The following ANO2 variants were observed in gnomAD, a reference collection of about 807,000 sequenced individuals.
ANO2 encodes anoctamin-2.
ANO2 carries 101 observed loss-of-function variants against 124.2 expected under a neutral mutation model. That is an observed-to-expected ratio of 0.81 (90% confidence interval 0.69 to 0.96). The LOEUF is 0.96. Among genes scored for constraint, ANO2 ranks in the 40% least tolerant of loss-of-function variants. The pLI is 0.00. For synonymous variants in ANO2, 486 were observed against 482.5 expected (o/e 1.01, Z -0.09); for missense variants, 1,293 against 1,274.5 (o/e 1.01, Z -0.22).
intron 20 of ANO2, among the ~76,000 whole-genome samples, chr12:5,581,811 G>A (rs1942771700): frequency 6.6e-6 from 1 of 152,174 alleles, no homozygotes; most frequent in African/African-American, 2.4e-5. Context: ...GTTACTCCAT[G>A]GTATCCTGAG....
chr12:5,725,506 C>A (rs1293337203), intron 14 of ANO2, among the ~76,000 whole-genome samples: 1 of 152,138 alleles, frequency 6.6e-6, no homozygotes, highest in Admixed American at 6.5e-5. Context: ...TGTGCTGACC[C>A]CAAAAACTAT....
chr12:5,827,933 C>T, intron 6 of ANO2, 113 bp from the exon 7 acceptor site: 1 of 1,186,672 alleles, frequency 8.4e-7, no homozygotes, highest in East Asian at 2.6e-5. Flanking sequence ...TCATTTGGAG[C>T]CAGGACGAAG....
At chr12:5,592,306 A>G (rs1445079385) in intron 20 of ANO2, among the ~76,000 whole-genome samples, 1 of 152,176 alleles carries the variant, frequency 6.6e-6, no homozygotes, top group Non-Finnish European at 1.5e-5. Flanking sequence ...AAGCACTCAC[A>G]TGTTTGAAAG....
At chr12:5,652,230 T>C (rs1946947232) in intron 14 of ANO2, among the ~76,000 whole-genome samples, 1 of 152,208 alleles carries the variant, frequency 6.6e-6, no homozygotes, top group Non-Finnish European at 1.5e-5. Flanking sequence ...AGATATGGTA[T>C]TTCCTTCCTC....
chr12:5,793,396 C>T (rs889573150), intron 10 of ANO2, among the ~76,000 whole-genome samples: 2 of 152,206 alleles, frequency 1.3e-5, no homozygotes, highest in South Asian at 4.1e-4. Context: ...GGCCTCTAAG[C>T]TTCATTTGCC....
chr12:5,595,174 A>C (rs1943597140), intron 20 of ANO2, among the ~76,000 whole-genome samples: 1 of 152,102 alleles, frequency 6.6e-6, no homozygotes, highest in Non-Finnish European at 1.5e-5. Context: ...ATCTTTGTGT[A>C]TCAGACATAC....
At chr12:5,924,709 C>T (rs1366730449) in intron 1 of ANO2, among the ~76,000 whole-genome samples, 6 of 152,248 alleles carry the variant, frequency 3.9e-5, no homozygotes, top group Non-Finnish European at 5.9e-5. Context: ...TTGTCCAAAG[C>T]GCAAGATGAA....
At chr12:5,587,639 G>T (rs992062737) in intron 20 of ANO2, among the ~76,000 whole-genome samples, 4 of 152,254 alleles carry the variant, frequency 2.6e-5, no homozygotes, top group Non-Finnish European at 5.9e-5. Flanking sequence ...GGGGGAGTGG[G>T]AGACGATTCC....
intron 14 of ANO2, among the ~76,000 whole-genome samples, chr12:5,705,867 A>G (rs1565590085): frequency 1.3e-5 from 2 of 152,108 alleles, no homozygotes; most frequent in Admixed American, 6.5e-5. Context: ...CTTTCTACCC[A>G]TTTAAGATCA....
chr12:5,791,888 T>C (rs1231464319), intron 10 of ANO2, among the ~76,000 whole-genome samples: 1 of 152,166 alleles, frequency 6.6e-6, no homozygotes, highest in Non-Finnish European at 1.5e-5. Flanking sequence ...TGTTATAATT[T>C]CCCCCACAGG....
chr12:5,628,105 GA>G (rs909457033), intron 16 of ANO2, among the ~76,000 whole-genome samples: 7 of 151,712 alleles, frequency 4.6e-5, no homozygotes, highest in African/African-American at 1.7e-4. Context: ...GTCTATTTTT[GA>G]AAAAAGAGAG....
rs1955302775 is a variant in ANO2, at chr12:5,862,553, T to G, written c.535-8412A>C. The stretch of plus-strand genomic sequence containing the variant: ...CAGGAACAACTCCTCAAAGCCCAAG[T>G]GAAGAGGAAGCAGTGAGGGGAGCCC... On this transcript the variant is annotated intron_variant, in intron 3 of 24. Coordinates refer to ENST00000682330, the MANE Select transcript of ANO2 (RefSeq NM_001364791.2). The surrounding 1 kb of genome is among the most constrained non-coding windows in gnomAD (Gnocchi z 4.0). 2.0e-5 allele frequency among the ~76,000 whole-genome samples: 3 copies of G among 152,080 alleles called. No homozygotes were observed.
chr12:5,901,303 A>G (rs558675130), intron 3 of ANO2, among the ~76,000 whole-genome samples: 1 of 152,336 alleles, frequency 6.6e-6, no homozygotes, highest in East Asian at 1.9e-4. Context: ...ATCTGGTGAC[A>G]AAGAAATTGC....
At chr12:5,598,484 T>G (rs985246876) in intron 20 of ANO2, among the ~76,000 whole-genome samples, 1 of 152,286 alleles carries the variant, frequency 6.6e-6, no homozygotes, top group South Asian at 2.1e-4. Context: ...GCCTCCCAAG[T>G]AGCTGGGATT....
intron 10 of ANO2, among the ~76,000 whole-genome samples, chr12:5,762,079 GA>G (rs1951759247): frequency 6.6e-6 from 1 of 151,990 alleles, no homozygotes; most frequent in Non-Finnish European, 1.5e-5. Context: ...TTTTAAATAA[GA>G]ATTTTGTTTT....
At chr12:5,873,332 T>C (rs1937861724) in intron 3 of ANO2, among the ~76,000 whole-genome samples, 1 of 152,000 alleles carries the variant, frequency 6.6e-6, no homozygotes, top group Non-Finnish European at 1.5e-5. Context: ...TCTGGCACTG[T>C]CACTAGGCCG....
chr12:5,637,430 C>G (rs866695748), intron 15 of ANO2, among the ~76,000 whole-genome samples: 2 of 151,792 alleles, frequency 1.3e-5, no homozygotes, highest in African/African-American at 4.8e-5. Flanking sequence ...CAAAAACATC[C>G]TTTGTTTAGG....
At chr12:5,597,801 T>C (rs1379661162) in intron 20 of ANO2, among the ~76,000 whole-genome samples, 1 of 152,192 alleles carries the variant, frequency 6.6e-6, no homozygotes, top group Non-Finnish European at 1.5e-5. Flanking sequence ...ATGGCAGATG[T>C]AGAATGGCGT....
Position 5,806,052 on chromosome 12 carries a change from C to G in ANO2, c.990G>C (p.Lys330Asn). The change falls in exon 9 of 25, where the codon AAG becomes AAC. Residue 330 changes from lysine to asparagine, a missense_variant and splice_region_variant. Physicochemically the swap from Lys to Asn is moderately conservative, Grantham distance 94. Transcript: ENST00000682330. ...AGGATGCTGCACGAGGCAGGCTTAC[C>G]TTCCTGTCATTCATATCGTCCTCTG... ...DSPEDDMNDRKLLYQEWARYG... is the reference protein window; with the variant it reads ...DSPEDDMNDRNLLYQEWARYG... 6.2e-7 allele frequency: 1 copy of G among 1,613,744 alleles called. No homozygotes were observed. Among genetic ancestry groups the G allele is most frequent in the Non-Finnish European group, 8.5e-7 (1 of 1,179,798 alleles).
Sources: allele counts gnomAD v4.1 joint callset (sites outside exome capture counted in the v4.1 genomes callset), GRCh38; gene constraint gnomAD v4.1.1; non-coding constraint Gnocchi (gnomAD v3.1); transcripts MANE v1.5; gene names NCBI Gene and HGNC (gene_info 2026-07-23, HGNC 2026-07-21).